Variants in CDKL4 observed in about 807,000 individuals in gnomAD.
CDKL4 encodes cyclin-dependent kinase-like 4.
In CDKL4, 44 loss-of-function variants were observed where a neutral mutation model predicts 42.0. The observed-to-expected ratio is 1.05, with a 90% confidence interval of 0.82 to 1.35. The LOEUF is 1.35. Ranked by LOEUF, CDKL4 falls within the 40% of genes most tolerant of loss-of-function variation. CDKL4 has a pLI of 0.00. For synonymous variants in CDKL4, 120 were observed against 121.6 expected (o/e 0.99, Z 0.09); for missense variants, 393 against 369.9 (o/e 1.06, Z -0.51).
chr2:39,235,395 A>G (rs754324330), intron 1 of CDKL4, among the ~76,000 whole-genome samples: 2 of 152,226 alleles, frequency 1.3e-5, no homozygotes, highest in Non-Finnish European at 2.9e-5. Context: ...AGTAGAAAGT[A>G]ATGCAACTAA....
At chr2:39,227,500 G>A (rs1029184496) in intron 2 of CDKL4, among the ~76,000 whole-genome samples, 3 of 152,174 alleles carry the variant, frequency 2.0e-5, no homozygotes, top group African/African-American at 7.2e-5. Context: ...GGCTGAGGCA[G>A]GAGGATCGCG....
chr2:39,209,079 T>A (rs1407550069), intron 4 of CDKL4, among the ~76,000 whole-genome samples: 1 of 149,812 alleles, frequency 6.7e-6, no homozygotes, highest in Non-Finnish European at 1.5e-5. Flanking sequence ...GGTGGGAGAA[T>A]CGCTTGAGGT....
chr2:39,194,360 A>G (rs1037138952), intron 5 of CDKL4, among the ~76,000 whole-genome samples: 1 of 152,114 alleles, frequency 6.6e-6, no homozygotes, highest in Non-Finnish European at 1.5e-5. Flanking sequence ...TGTTGTCCCA[A>G]CTACTTGGGA....
chr2:39,207,105 G>C (rs1440682921), intron 4 of CDKL4, among the ~76,000 whole-genome samples: 1 of 152,136 alleles, frequency 6.6e-6, no homozygotes, highest in Non-Finnish European at 1.5e-5. Flanking sequence ...AAATACACAG[G>C]CTGGGCATGG....
intron 2 of CDKL4, among the ~76,000 whole-genome samples, chr2:39,227,725 G>T (rs1678843105): frequency 6.6e-6 from 1 of 152,240 alleles, no homozygotes; most frequent in South Asian, 2.1e-4. Flanking sequence ...AGCAAAGCAG[G>T]ATCTCTACTA....
chr2:39,179,131 A>G (rs1675295193), intron 9 of CDKL4, 56 bp downstream of exon 9: 2 of 1,569,230 alleles, frequency 1.3e-6, no homozygotes, highest in Non-Finnish European at 1.7e-6. Context: ...AAGGCAGACA[A>G]ACAAAAACAA....
At chr2:39,246,314 T>C (rs1679911122), upstream of CDKL4, among the ~76,000 whole-genome samples, 1 of 152,254 alleles carries the variant, frequency 6.6e-6, no homozygotes, top group Non-Finnish European at 1.5e-5. Context: ...AGTCAAATAC[T>C]CATAAAATTC....
intron 3 of CDKL4, among the ~76,000 whole-genome samples, chr2:39,222,102 G>T (rs780716024): frequency 6.6e-6 from 1 of 152,172 alleles, no homozygotes; most frequent in East Asian, 1.9e-4. Flanking sequence ...AGATCAATGA[G>T]ACATGAAGTA....
At chr2:39,238,708 A>G (rs997283117) in intron 1 of CDKL4, among the ~76,000 whole-genome samples, 1 of 151,946 alleles carries the variant, frequency 6.6e-6, no homozygotes, top group Non-Finnish European at 1.5e-5. Context: ...GTCAAGAAAT[A>G]AACCCTTCTA....
At chr2:39,177,558 C>T (rs1675217263) in intron 9 of CDKL4, among the ~76,000 whole-genome samples, 1 of 152,074 alleles carries the variant, frequency 6.6e-6, no homozygotes, top group Non-Finnish European at 1.5e-5. Flanking sequence ...GCGCCCACCA[C>T]TACACCTGGC....
At chr2:39,172,637 A>C (rs1185769874), downstream of CDKL4, among the ~76,000 whole-genome samples, 2 of 152,066 alleles carry the variant, frequency 1.3e-5, no homozygotes, top group Non-Finnish European at 2.9e-5. Context: ...GCTGGAGTGC[A>C]GTGGTATGAT....
At chr2:39,203,778 G>C (rs7563858) in intron 5 of CDKL4, among the ~76,000 whole-genome samples, 130,211 of 152,136 alleles carry the variant, frequency 0.86, 56,107 homozygotes, top group Non-Finnish European at 0.92. Flanking sequence ...CTTTTCAGCC[G>C]CATGGCACAG....
chr2:39,170,388 T>C, the CDKL4 span, among the ~76,000 whole-genome samples: 7 of 152,128 alleles, frequency 4.6e-5, no homozygotes, highest in Non-Finnish European at 7.4e-5. Flanking sequence ...TTTATCTTTA[T>C]GTCCTAAAAA....
chr2:39,182,485 G>C (rs1675494354), intron 8 of CDKL4, among the ~76,000 whole-genome samples: 1 of 152,188 alleles, frequency 6.6e-6, no homozygotes, highest in Non-Finnish European at 1.5e-5. Context: ...GTAGAATTGA[G>C]GCTTCTGAGT....
chr2:39,191,966 T>C (rs904106488), intron 5 of CDKL4, among the ~76,000 whole-genome samples: 1 of 152,188 alleles, frequency 6.6e-6, no homozygotes, highest in Admixed American at 6.5e-5. Context: ...AAAAGGCAGC[T>C]CAGAAAGTAG....
chr2:39,233,879 G>GATATAT lies in CDKL4; in HGVS notation c.-56-4297_-56-4292dup, dbSNP rs35424282. On this transcript the variant is annotated intron_variant, in intron 1 of 9. Coordinates refer to ENST00000451199, the Ensembl canonical transcript of CDKL4. ...CAAGTGGACAAAAATTATTTAAGAA[G>GATATAT]ATATATATATATATATATAAATTTT... Among the ~76,000 whole-genome samples the GATATAT allele has an allele frequency of 1.1e-3, 147 of 136,868 alleles. 1 individual carries two copies. Among genetic ancestry groups the GATATAT allele is most frequent in the African/African-American group, 3.7e-3 (135 of 36,842 alleles). 89.8% of individuals were successfully genotyped at this position (136,868 alleles called of 152,430 possible).
At chr2:39,178,572 GA>G (rs1675263421) in intron 9 of CDKL4, 1 of 1,551,532 alleles carries the variant, frequency 6.4e-7, no homozygotes, top group African/African-American at 1.4e-5. Flanking sequence ...AAAGTTTTCT[GA>G]AAGCAAGTGA....
chr2:39,233,044 C>CAAA (rs72150084), intron 1 of CDKL4, among the ~76,000 whole-genome samples: 26,495 of 65,904 alleles, frequency 0.4, 6,589 homozygotes, highest in East Asian at 0.66. Flanking sequence ...GACTCCATCT[C>CAAA]AAAAAAAAAA....
chr2:39,221,652 A>G (rs1232576939), intron 3 of CDKL4, among the ~76,000 whole-genome samples: 2 of 152,266 alleles, frequency 1.3e-5, no homozygotes, highest in Non-Finnish European at 1.5e-5. Context: ...GAACACCAGC[A>G]GTGCTAAGCA....
Sources: allele counts gnomAD v4.1 joint callset (sites outside exome capture counted in the v4.1 genomes callset), GRCh38; gene constraint gnomAD v4.1.1; transcripts MANE v1.5; gene names NCBI Gene and HGNC (gene_info 2026-07-23, HGNC 2026-07-21).